The following PDXP variants were observed in gnomAD, a reference collection of about 807,000 sequenced individuals.
PDXP encodes chronophin.
Under a neutral mutation model 14.4 loss-of-function variants are expected in PDXP, and 15 were observed. The ratio of observed to expected loss-of-function variants is 1.04; its 90% CI spans 0.70 to 1.60. The LOEUF is 1.60. Ranked by LOEUF, PDXP falls within the 40% of genes most tolerant of loss-of-function variation. The pLI is 0.00. For synonymous variants in PDXP, 233 were observed against 205.6 expected (o/e 1.13, Z -1.14); for missense variants, 413 against 427.6 (o/e 0.97, Z 0.30).
Position 37,658,864 on chromosome 22 carries a change from G to A in PDXP, c.82G>A (p.Gly28Arg). The A allele has an allele frequency of 8.2e-7, 1 of 1,217,366 alleles. No individual in the cohort carries two copies. 75.4% of individuals were successfully genotyped at this position (1,217,366 alleles called of 1,614,324 possible). ...GCAGGGGGTCCTGTTCGACTGTGAC[G>A]GGGTGCTGTGGAACGGCGAGCGCGC... is the stretch of plus-strand genomic sequence containing the variant. ...RAQGVLFDCDGVLWNGERAVP... is the reference protein window; with the variant it reads ...RAQGVLFDCDRVLWNGERAVP... Residue 28 changes from glycine to arginine, a missense_variant, in exon 1 of 2, where the codon GGG becomes AGG. Gly to Arg is a moderately radical substitution (Grantham distance 125, BLOSUM62 -2). Coordinates refer to ENST00000215904, the MANE Select transcript of PDXP (RefSeq NM_020315.5).
At position 37,659,111 on chromosome 22, in the gene PDXP, T is replaced by A; in HGVS notation, c.329T>A (p.Val110Glu). The A allele has an allele frequency of 1.9e-6, 2 of 1,033,154 alleles. No individual in the cohort carries two copies. The highest frequency in any genetic ancestry group is 2.3e-6 in the Non-Finnish European group (2 of 863,380). The allele number at this position is 1,033,154 out of a possible 1,614,324, so 64.0% of individuals were successfully genotyped here. ...LPGPPDAPGA[V>E]FVLGGEGLRA... ...GGGCCTCCGGACGCGCCGGGCGCCGTGTTCGTGCTGGGCGGCGAGGGGCTG... is the reference window on the plus strand; with the variant it reads ...GGGCCTCCGGACGCGCCGGGCGCCGAGTTCGTGCTGGGCGGCGAGGGGCTG... The change falls in exon 1 of 2, where the codon GTG becomes GAG. Residue 110 changes from valine to glutamate, a missense_variant. Physicochemically the swap from Val to Glu is moderately radical, Grantham distance 121. Coordinates refer to ENST00000215904, the MANE Select transcript of PDXP (RefSeq NM_020315.5).
intron 1 of PDXP, among the ~76,000 whole-genome samples, chr22:37,664,334 A>G (rs987722185): frequency 1.8e-4 from 28 of 151,992 alleles, no homozygotes; most frequent in East Asian, 5.8e-4. Flanking sequence ...GGCTCAAGCA[A>G]TCCTCCCACC....
chr22:37,661,801 G>T (rs542994202), intron 1 of PDXP, among the ~76,000 whole-genome samples: 3 of 152,194 alleles, frequency 2.0e-5, no homozygotes, highest in Admixed American at 1.3e-4. Flanking sequence ...ACAGAGTTGG[G>T]GCCATTCTTG....
At chr22:37,665,403 T>C (rs1452370235) in intron 1 of PDXP, 152 bp from the exon 2 acceptor site, 1 of 634,404 alleles carries the variant, frequency 1.6e-6, no homozygotes, top group African/African-American at 1.8e-5. Flanking sequence ...TCTCTACCCT[T>C]AACCACTACA....
intron 1 of PDXP, among the ~76,000 whole-genome samples, chr22:37,661,929 T>TA (rs1175871370): frequency 2.8e-4 from 5 of 17,612 alleles, no homozygotes; most frequent in Admixed American, 8.7e-4. Flanking sequence ...TTTTTTTTTT[T>TA]TTTTTTTTTT....
At chr22:37,663,037 A>C (rs1933234879) in intron 1 of PDXP, among the ~76,000 whole-genome samples, 1 of 151,316 alleles carries the variant, frequency 6.6e-6, no homozygotes, top group African/African-American at 2.4e-5. Flanking sequence ...ACAGTGGCTC[A>C]CACCTGTAAT....
intron 1 of PDXP, among the ~76,000 whole-genome samples, chr22:37,661,981 AC>A (rs1933217411): frequency 9.0e-6 from 1 of 111,456 alleles, no homozygotes; most frequent in African/African-American, 3.6e-5. Context: ...TTGCTCTGTC[AC>A]CCAGGCTGGA....
chr22:37,664,022 C>T (rs1197653180), intron 1 of PDXP, among the ~76,000 whole-genome samples: 1 of 150,740 alleles, frequency 6.6e-6, no homozygotes, highest in Non-Finnish European at 1.5e-5. Flanking sequence ...CCTCCGCCTC[C>T]CGGGCTTAAG....
At chr22:37,662,500 C>T (rs543258545) in intron 1 of PDXP, among the ~76,000 whole-genome samples, 8 of 152,190 alleles carry the variant, frequency 5.3e-5, no homozygotes, top group Non-Finnish European at 7.4e-5. Flanking sequence ...CCAGTACAGC[C>T]GATCTTGAGC....
At chr22:37,661,772 T>C (rs748048251) in intron 1 of PDXP, among the ~76,000 whole-genome samples, 1 of 152,040 alleles carries the variant, frequency 6.6e-6, no homozygotes. Flanking sequence ...GGTGAACAGC[T>C]CCATCCTGGT....
chr22:37,663,750 C>T (rs556743932), intron 1 of PDXP, among the ~76,000 whole-genome samples: 2 of 152,144 alleles, frequency 1.3e-5, no homozygotes, highest in South Asian at 2.1e-4. Context: ...TCCTGCCTCC[C>T]CTGCAGGGCC....
chr22:37,665,972 GGTCCA>G lies in PDXP; in HGVS notation c.*104_*108del. ...CCATGTTAAGCACAACCGGCTCCTT[GGTCCA>G]GTTCTGCACCGGGGTGGGGCTGGGA... On this transcript the variant is annotated 3_prime_UTR_variant, in exon 2 of 2. Transcript: ENST00000215904. 1 of 1,255,026 alleles carries G rather than the reference GGTCCA, an allele frequency of 8.0e-7. No homozygotes were observed. The highest frequency in any genetic ancestry group is 1.5e-5 in the African/African-American group (1 of 67,502). The allele number at this position is 1,255,026 out of a possible 1,614,324, so 77.7% of individuals were successfully genotyped here.
chr22:37,659,353 C>T lies in PDXP; in HGVS notation c.571C>T (p.Pro191Ser), dbSNP rs1388961255. The T allele has an allele frequency of 7.7e-7, 1 of 1,299,726 alleles. No homozygotes were observed. The highest frequency in any genetic ancestry group is 2.9e-5 in the South Asian group (1 of 33,940). 80.5% of individuals were successfully genotyped at this position (1,299,726 alleles called of 1,614,324 possible). ...WHPLSDGSRT[P>S]GTGSLAAAVE... ...CCCGCTGAGCGACGGCAGCCGGACCCCTGGTGAGCGCGGGAATGGCGGGGA... is the reference window on the plus strand; with the variant it reads ...CCCGCTGAGCGACGGCAGCCGGACCTCTGGTGAGCGCGGGAATGGCGGGGA... Residue 191 changes from proline (P) to serine (S), a missense_variant, in exon 1 of 2, where the codon CCT becomes TCT. Coordinates refer to ENST00000215904, the MANE Select transcript of PDXP (RefSeq NM_020315.5).
At position 37,665,569 on chromosome 22, in the gene PDXP, G is replaced by A. The variant is rs150938915; in HGVS notation, c.589G>A (p.Ala197Thr). The change falls in exon 2 of 2, where the codon GCC becomes ACC. Residue 197 changes from alanine to threonine, a missense_variant. By Grantham distance (58) the Ala-to-Thr change is moderately conservative. Transcript: ENST00000215904. ...GSRTPGTGSL[A>T]AAVETASGRQ... ...TCTCCCTACAGGCACCGGGAGCCTG[G>A]CCGCTGCAGTGGAGACAGCCTCGGG... The A allele has an allele frequency of 6.2e-7, 1 of 1,607,500 alleles. No homozygotes were observed. The highest frequency in any genetic ancestry group is 1.7e-5 in the Admixed American group (1 of 59,922).
chr22:37,660,947 C>T (rs893816609), intron 1 of PDXP, among the ~76,000 whole-genome samples: 8 of 152,120 alleles, frequency 5.3e-5, no homozygotes, highest in Admixed American at 6.5e-5. Flanking sequence ...GGTATGTGGG[C>T]GGGCTCACCT....
intron 1 of PDXP, among the ~76,000 whole-genome samples, chr22:37,661,638 C>T (rs1933205188): frequency 6.6e-6 from 1 of 152,096 alleles, no homozygotes; most frequent in African/African-American, 2.4e-5. Context: ...GATGCCCCTG[C>T]TAGGAGGCTC....
At chr22:37,662,517 C>T (rs986019850) in intron 1 of PDXP, among the ~76,000 whole-genome samples, 2 of 152,174 alleles carry the variant, frequency 1.3e-5, no homozygotes, top group East Asian at 1.9e-4. Context: ...GAGCTACCAA[C>T]GTGCAGTCAG....
rs1921089506 is a variant in PDXP, at chr22:37,666,553, C to G, written c.*682C>G. The G allele has an allele frequency of 6.0e-6, 1 of 167,350 alleles. No homozygotes were observed. Among genetic ancestry groups the G allele is most frequent in the South Asian group, 2.1e-4 (1 of 4,838 alleles). The allele number at this position is 167,350 out of a possible 1,614,324, so 10.4% of individuals were successfully genotyped here. A position where few individuals can be genotyped will look rare whatever the true frequency, so the allele number is the denominator to read the frequency against. The stretch of plus-strand genomic sequence containing the variant: ...TAGAACAGTCCAGAAGCCTGAGAGA[C>G]AGTGGCCCCTTGATAATCTGGGTCT... On this transcript the variant is annotated 3_prime_UTR_variant, in exon 2 of 2. Coordinates refer to ENST00000215904, the MANE Select transcript of PDXP (RefSeq NM_020315.5).
chr22:37,659,004 C>T lies in PDXP; in HGVS notation c.222C>T (p.Arg74=). The T allele has an allele frequency of 8.4e-7, 1 of 1,195,382 alleles. No individual in the cohort carries two copies. 74.0% of individuals were successfully genotyped at this position (1,195,382 alleles called of 1,614,324 possible). The change falls in exon 1 of 2, where the codon CGC becomes CGT. Residue 74 remains arginine (R), a synonymous_variant. Coordinates refer to ENST00000215904, the MANE Select transcript of PDXP (RefSeq NM_020315.5). The part of the protein sequence containing the change: ...ARPELALRFA[R]LGFGGLRAEQ... ...CCGAGCTGGCCCTGCGCTTCGCGCG[C>T]CTCGGCTTCGGGGGGCTGCGCGCCG...
Sources: allele counts gnomAD v4.1 joint callset (sites outside exome capture counted in the v4.1 genomes callset), GRCh38; gene constraint gnomAD v4.1.1; transcripts MANE v1.5; gene names NCBI Gene and HGNC (gene_info 2026-07-23, HGNC 2026-07-21).